The following OPHN1 variants were observed in gnomAD, a reference collection of about 807,000 sequenced individuals.
The protein encoded by OPHN1 is oligophrenin 1.
In OPHN1, 11 loss-of-function variants were observed where a neutral mutation model predicts 60.7. The observed-to-expected ratio is 0.18, with a 90% CI of 0.11 to 0.30. The LOEUF (loss-of-function observed/expected upper bound fraction) is 0.30. OPHN1 is among the 10% of genes least tolerant of loss of function. The pLI, the probability that OPHN1 is intolerant of heterozygous loss-of-function variation, is 1.00. For synonymous variants in OPHN1, 226 were observed against 222.6 expected (o/e 1.02, Z -0.14); for missense variants, 449 against 611.0 (o/e 0.73, Z 2.80).
intron 2 of OPHN1, among the ~76,000 whole-genome samples, chrX:68,360,367 G>C (rs1294732018): frequency 9.1e-6 from 1 of 110,443 alleles, no homozygotes; most frequent in Non-Finnish European, 1.9e-5. Flanking sequence ...TGTAGAAATA[G>C]AGTCTCATTA....
chrX:68,307,284 A>AT (rs1437596305), intron 2 of OPHN1, among the ~76,000 whole-genome samples: 2 of 101,711 alleles, frequency 2.0e-5, no homozygotes, highest in African/African-American at 8.4e-5. Flanking sequence ...CTCTACCAAA[A>AT]AAAAAATAAT....
chrX:68,416,393 G>A (rs1005327845), intron 2 of OPHN1, among the ~76,000 whole-genome samples: 7 of 110,324 alleles, frequency 6.3e-5, no homozygotes, highest in African/African-American at 1.3e-4. Flanking sequence ...AAATCCCATC[G>A]ACTATCTATA....
At chrX:68,204,075 T>C (rs767393075) in intron 10 of OPHN1, among the ~76,000 whole-genome samples, 1 of 112,619 alleles carries the variant, frequency 8.9e-6, no homozygotes, top group South Asian at 3.7e-4. Flanking sequence ...CTTACCACTT[T>C]TCTGATGAGG....
intron 5 of OPHN1, among the ~76,000 whole-genome samples, chrX:68,266,133 A>G (rs977302610): frequency 9.0e-6 from 1 of 111,571 alleles, no homozygotes; most frequent in Non-Finnish European, 1.9e-5. Context: ...AACTTCCCCA[A>G]TCTAGCAAGG....
rs1226776373 is a variant in OPHN1 at position 68,114,573 on chromosome X, C to T, written c.1362-1334G>A. Among the ~76,000 whole-genome samples, 3 of 110,930 alleles carry T rather than the reference C, an allele frequency of 2.7e-5. No homozygotes were observed. The Admixed American group carries it at 2.9e-4, about 11-fold the overall frequency. Reference sequence around the variant, plus strand: ...CCCAAGAGTTCGAGACCAGTCTGGACAACTGAATGAGACCCCTACCTCTTA... The same window carrying T: ...CCCAAGAGTTCGAGACCAGTCTGGATAACTGAATGAGACCCCTACCTCTTA... On this transcript the variant is annotated intron_variant, in intron 16 of 24. Transcript: ENST00000355520.
chrX:68,059,957 T>G (rs1324893891), intron 21 of OPHN1, among the ~76,000 whole-genome samples: 4 of 112,052 alleles, frequency 3.6e-5, no homozygotes, highest in Non-Finnish European at 7.5e-5. Context: ...TGCATGCCAG[T>G]GTCACCACAA....
At chrX:68,393,126 G>A (rs2078662090) in intron 2 of OPHN1, among the ~76,000 whole-genome samples, 2 of 112,035 alleles carry the variant, frequency 1.8e-5, no homozygotes, top group South Asian at 3.7e-4. Context: ...TGCATGCTCC[G>A]CTTCCCGTAA....
intron 5 of OPHN1, among the ~76,000 whole-genome samples, chrX:68,269,684 A>T (rs1312684202): frequency 8.9e-6 from 1 of 111,957 alleles, no homozygotes; most frequent in Non-Finnish European, 1.9e-5. Context: ...ATGGGCAAGG[A>T]CTTCATGTCT....
chrX:68,401,009 C>G (rs1269458339), intron 2 of OPHN1, among the ~76,000 whole-genome samples: 1 of 111,338 alleles, frequency 9.0e-6, no homozygotes, highest in African/African-American at 3.3e-5. Flanking sequence ...AAAATCAGCT[C>G]TCACAAGAGC....
At chrX:68,305,503 G>GA (rs1163472248) in intron 2 of OPHN1, among the ~76,000 whole-genome samples, 1 of 112,535 alleles carries the variant, frequency 8.9e-6, no homozygotes, top group Non-Finnish European at 1.9e-5. Context: ...ATAGGCCCAT[G>GA]AAAGACTTAA....
intron 11 of OPHN1, among the ~76,000 whole-genome samples, chrX:68,197,573 C>T (rs2077518161): frequency 9.0e-6 from 1 of 110,711 alleles, no homozygotes; most frequent in Non-Finnish European, 1.9e-5. Flanking sequence ...TGTGCTTGAA[C>T]CAAACAAAGG....
rs1374525701 is a variant in OPHN1, at chrX:68,257,440, G to GT, written c.384+17297dup. 2.7e-5 allele frequency among the ~76,000 whole-genome samples: 3 copies of GT among 112,143 alleles called. No individual in the cohort carries two copies. The East Asian group carries it at 8.4e-4, about 32-fold the overall frequency. ...ATTTAAATCCTGGCTCTGCCATTTTGTAGCCTGTGTGACCTTGAACAAGTA... is the reference window on the plus strand; with the variant it reads ...ATTTAAATCCTGGCTCTGCCATTTTGTTAGCCTGTGTGACCTTGAACAAGTA... On this transcript the variant is annotated intron_variant, in intron 5 of 24. Transcript: ENST00000355520.
At chrX:68,339,737 G>A (rs1191926724) in intron 2 of OPHN1, among the ~76,000 whole-genome samples, 1 of 111,264 alleles carries the variant, frequency 9.0e-6, no homozygotes, top group Non-Finnish European at 1.9e-5. Context: ...CAGGTAGCTG[G>A]AATTATAGGC....
rs767679663 is a variant in OPHN1, at chrX:68,063,829, T to G, written c.2158+25A>C. On this transcript the variant is annotated intron_variant, in intron 21 of 24. Transcript: ENST00000355520. The stretch of plus-strand genomic sequence containing the variant: ...AAAAGTAGTTAGGGTCAGCTCTGGC[T>G]CCCATGGGATTCCCAAGCACTTACC... 1.6e-5 allele frequency: 18 copies of G among 1,129,187 alleles called. No individual in the cohort carries two copies. In the South Asian group the frequency reaches 3.5e-4, roughly 22 times the overall value. 93.1% of individuals were successfully genotyped at this position (1,129,187 alleles called of 1,213,427 possible). A position where few individuals can be genotyped will look rare whatever the true frequency, so the allele number is the denominator to read the frequency against.
chrX:68,100,245 C>T (rs1264203659), intron 18 of OPHN1, among the ~76,000 whole-genome samples: 3 of 110,586 alleles, frequency 2.7e-5, no homozygotes, highest in African/African-American at 9.9e-5. Context: ...GCCTTTCCCA[C>T]CCTATACATA....
chrX:68,198,563 G>T (rs967850297), intron 11 of OPHN1, among the ~76,000 whole-genome samples: 1 of 111,556 alleles, frequency 9.0e-6, no homozygotes, highest in Non-Finnish European at 1.9e-5. Flanking sequence ...CTGGAATTTT[G>T]AGATTAACCA....
At chrX:68,209,101 T>C (rs1486151537) in intron 9 of OPHN1, among the ~76,000 whole-genome samples, 1 of 112,322 alleles carries the variant, frequency 8.9e-6, no homozygotes, top group Non-Finnish European at 1.9e-5. Context: ...TGGGTGTGTG[T>C]CCTCTGTTTA....
intron 2 of OPHN1, among the ~76,000 whole-genome samples, chrX:68,397,630 C>T (rs2078693005): frequency 9.5e-6 from 1 of 104,783 alleles, no homozygotes; most frequent in Non-Finnish European, 1.9e-5. Context: ...TCAAGTGATT[C>T]TCCTGCCTCA....
chrX:68,145,986 T>C (rs2077262242), intron 15 of OPHN1, among the ~76,000 whole-genome samples: 1 of 111,862 alleles, frequency 8.9e-6, no homozygotes, highest in African/African-American at 3.2e-5. Flanking sequence ...AACTGAGAAC[T>C]TGAAACAGAG....
Sources: gnomAD v4.1 joint callset for allele counts (sites outside exome capture counted in the v4.1 genomes callset) on GRCh38, gnomAD v4.1.1 for gene constraint, MANE v1.5 for transcripts, NCBI Gene and HGNC (gene_info 2026-07-23, HGNC 2026-07-21) for gene names.